The following XPA variants were observed in gnomAD, a reference collection of about 807,000 sequenced individuals.
XPA encodes XPA, DNA damage recognition and repair factor, also known as DNA repair protein complementing XP-A cells.
A neutral mutation model predicts 35.7 loss-of-function variants in XPA; 27 were observed. That is an observed-to-expected ratio of 0.76 (90% CI 0.56 to 1.04). The LOEUF is 1.04. Ranked by LOEUF, XPA falls within the 50% of genes least tolerant of loss-of-function variation. The pLI is 0.00. For synonymous variants in XPA, 133 were observed against 118.4 expected (o/e 1.12, Z -0.80); for missense variants, 354 against 342.7 (o/e 1.03, Z -0.26).
chr9:97,665,214 A>G, the XPA span, among the ~76,000 whole-genome samples: 1 of 152,272 alleles, frequency 6.6e-6, no homozygotes, highest in Non-Finnish European at 1.5e-5. Flanking sequence ...TAAGGTTGTC[A>G]TACCGGCCAG....
chr9:97,696,196 T>TA (rs928438049), intron 1 of XPA, among the ~76,000 whole-genome samples: 2 of 152,164 alleles, frequency 1.3e-5, no homozygotes, highest in African/African-American at 4.8e-5. Flanking sequence ...ATCTGGCTGA[T>TA]AAAAAAGAGT....
the XPA span, chr9:97,666,750 A>G: frequency 5.9e-6 from 9 of 1,533,804 alleles, no homozygotes; most frequent in African/African-American, 5.6e-5. Flanking sequence ...ACCAAATGCC[A>G]TATTTCTTTA....
downstream of XPA, chr9:97,674,899 G>A (rs775978110): frequency 8.1e-6 from 4 of 496,132 alleles, no homozygotes; most frequent in African/African-American, 3.8e-5. Context: ...CAAGAGTACA[G>A]AAAACATGAT....
intron 5 of XPA, among the ~76,000 whole-genome samples, chr9:97,683,030 C>T (rs1405391436): frequency 6.6e-6 from 1 of 152,116 alleles, no homozygotes; most frequent in Non-Finnish European, 1.5e-5. Context: ...ACAGACAGCC[C>T]TCGTTTTAAA....
intron 4 of XPA, 102 bp downstream of exon 4, chr9:97,686,992 AAG>A (rs1314318241): frequency 2.6e-6 from 3 of 1,159,886 alleles, no homozygotes; most frequent in East Asian, 2.4e-5. Flanking sequence ...AACTAGGGAA[AAG>A]AGTTTTTCCA....
At chr9:97,683,419 C>G (rs528334407) in intron 5 of XPA, among the ~76,000 whole-genome samples, 1 of 152,254 alleles carries the variant, frequency 6.6e-6, no homozygotes, top group South Asian at 2.1e-4. Context: ...ATGAAATGCT[C>G]TTATATGGCA....
intron 2 of XPA, among the ~76,000 whole-genome samples, chr9:97,691,071 G>C (rs1393461872): frequency 6.6e-6 from 1 of 152,166 alleles, no homozygotes; most frequent in Non-Finnish European, 1.5e-5. Flanking sequence ...GGGCAAAAAG[G>C]GATCTGCTTA....
the XPA span, chr9:97,664,477 C>T: frequency 7.0e-7 from 1 of 1,430,480 alleles, no homozygotes; most frequent in Non-Finnish European, 9.8e-7. Context: ...CTTGTGTTCC[C>T]TAAGAATTGA....
chr9:97,691,946 T>G (rs181162408), intron 2 of XPA, among the ~76,000 whole-genome samples: 102 of 148,898 alleles, frequency 6.9e-4, no homozygotes, highest in African/African-American at 2.3e-3. Flanking sequence ...TAAGAAGTCT[T>G]TAGGCTGAAT....
chr9:97,675,803 C>G (rs943164411), intron 5 of XPA: 3 of 608,620 alleles, frequency 4.9e-6, no homozygotes, highest in Non-Finnish European at 8.7e-6. Context: ...CAAGTTGTCA[C>G]TGGAGCAGTG....
At chr9:97,682,086 CTAT>C in intron 5 of XPA, 1 of 303,384 alleles carries the variant, frequency 3.3e-6, no homozygotes, top group Non-Finnish European at 6.4e-6. Flanking sequence ...ATCTATCTAT[CTAT>C]ACACACCTTA....
chr9:97,685,686 A>G (rs888124441), intron 4 of XPA, among the ~76,000 whole-genome samples: 10 of 152,326 alleles, frequency 6.6e-5, no homozygotes, highest in African/African-American at 2.4e-4. Context: ...CATAATATTA[A>G]TCAGCATAGC....
chr9:97,680,083 G>T (rs1048025421), intron 5 of XPA, among the ~76,000 whole-genome samples: 1 of 152,112 alleles, frequency 6.6e-6, no homozygotes, highest in Admixed American at 6.5e-5. Context: ...ACCTGGATCC[G>T]ACAAAAAGCT....
At chr9:97,697,006 C>T (rs1829066678) in intron 1 of XPA, 115 bp downstream of exon 1, 1 of 1,337,360 alleles carries the variant, frequency 7.5e-7, no homozygotes, top group Non-Finnish European at 9.9e-7. Context: ...AATCTGCACA[C>T]ATACGCCAGC....
intron 1 of XPA, among the ~76,000 whole-genome samples, chr9:97,694,127 G>A (rs3176651): frequency 0.12 from 17,996 of 152,220 alleles, 3,022 homozygotes; most frequent in African/African-American, 0.37. Context: ...GGACTTAAAT[G>A]GAGAAATATA....
intron 3 of XPA, among the ~76,000 whole-genome samples, chr9:97,689,265 C>CAA (rs1030317346): frequency 6.6e-6 from 1 of 150,544 alleles, no homozygotes; most frequent in East Asian, 1.9e-4. Context: ...AAAACAAAAA[C>CAA]AAAAAAAAAC....
At position 97,689,575 on chromosome 9, in the gene XPA, A is replaced by G. The variant is rs104894134; in HGVS notation, c.348T>C (p.Tyr116=). 9 of 1,613,262 alleles carry G rather than the reference A, an allele frequency of 5.6e-6. No homozygotes were observed. Among genetic ancestry groups the G allele is most frequent in the East Asian group, 2.2e-5 (1 of 44,762 alleles). The change falls in exon 3 of 6, where the codon TAT becomes TAC. Residue 116 remains tyrosine, a synonymous_variant. Transcript: ENST00000375128. ...TTGGCAAATCAAAGTGGTTCATAAG[A>G]TAAGAATCCATAAATTCTTTCCCAC... The part of the protein sequence containing the change: ...EECGKEFMDS[Y]LMNHFDLPTC...
At chr9:97,658,637 T>C in the XPA span, 2 of 1,599,096 alleles carry the variant, frequency 1.3e-6, no homozygotes, top group South Asian at 1.1e-5. Context: ...ATTTGTATTG[T>C]AGGTTGTCTT....
intron 4 of XPA, among the ~76,000 whole-genome samples, chr9:97,685,631 C>T (rs1587744923): frequency 6.6e-6 from 1 of 152,094 alleles, no homozygotes; most frequent in African/African-American, 2.4e-5. Flanking sequence ...AATTTACACA[C>T]TAAGAATTAT....
Sources: allele counts gnomAD v4.1 joint callset (sites outside exome capture counted in the v4.1 genomes callset), GRCh38; gene constraint gnomAD v4.1.1; transcripts MANE v1.5; gene names NCBI Gene and HGNC (gene_info 2026-07-23, HGNC 2026-07-21).